The following VPS8 variants were observed in gnomAD, a reference collection of about 807,000 sequenced individuals.
VPS8 encodes VPS8 subunit of CORVET complex.
Under a neutral mutation model 216.4 loss-of-function variants are expected in VPS8, and 129 were observed. That is an observed-to-expected ratio of 0.60 (90% CI 0.52 to 0.69). VPS8 has a LOEUF of 0.69. VPS8 is among the 30% of genes least tolerant of loss of function. The pLI is 0.00. For missense variants in VPS8, 1,531 were observed against 1,683.5 expected, an observed-to-expected ratio of 0.91 and a Z score of 1.59; for synonymous variants, 571 against 565.4, an observed-to-expected ratio of 1.01 and a Z score of -0.14.
chr3:184,909,326 GA>G (rs1294751315), intron 25 of VPS8, among the ~76,000 whole-genome samples: 2 of 152,132 alleles, frequency 1.3e-5, no homozygotes, highest in Non-Finnish European at 2.9e-5. Flanking sequence ...CAAGAGTTCT[GA>G]AAAAGCCAAT....
intron 23 of VPS8, among the ~76,000 whole-genome samples, chr3:184,897,293 T>G (rs960453593): frequency 9.2e-5 from 14 of 152,106 alleles, no homozygotes; most frequent in Non-Finnish European, 1.9e-4. Flanking sequence ...GTTTTAGAGA[T>G]AGAATTGATT....
Position 185,051,783 on chromosome 3 carries a change from A to C in VPS8, c.4138-93A>C. On this transcript the variant is annotated intron_variant, in intron 47 of 47. Coordinates refer to ENST00000625842, the MANE Select transcript of VPS8 (RefSeq NM_001009921.3). ...CATGTTACTACTCCTGCAACACAGC[A>C]CTGTCTCTCATGTATCTGAAGCAGT... 2.1e-6 allele frequency: 3 copies of C among 1,397,772 alleles called. No individual in the cohort carries two copies. In the South Asian group the frequency reaches 4.6e-5, roughly 22 times the overall value. The allele number at this position is 1,397,772 out of a possible 1,614,324, so 86.6% of individuals were successfully genotyped here. A position where few individuals can be genotyped will look rare whatever the true frequency, so the allele number is the denominator to read the frequency against.
intron 8 of VPS8, among the ~76,000 whole-genome samples, chr3:184,844,442 T>TA (rs1048999965): frequency 6.6e-6 from 1 of 151,516 alleles, no homozygotes; most frequent in Non-Finnish European, 1.5e-5. Flanking sequence ...AAATAAAAAA[T>TA]AAAAAATAAG....
At chr3:184,902,863 C>T (rs545125533) in intron 25 of VPS8, among the ~76,000 whole-genome samples, 25 of 150,714 alleles carry the variant, frequency 1.7e-4, no homozygotes, top group African/African-American at 6.1e-4. Flanking sequence ...TGGTTCAATT[C>T]AGTGTCATAA....
In VPS8 at chr3:184,874,098, T is replaced by C. The variant is rs1451322878; in HGVS notation, c.1734+3293T>C. ...TTTTTTTTTTAAGTAGAGTGGACTT[T>C]GGAGACTATCTGCTGACATCCCCAG... On this transcript the variant is annotated intron_variant, in intron 21 of 47. Transcript: ENST00000625842. 4.6e-5 allele frequency among the ~76,000 whole-genome samples: 7 copies of C among 152,242 alleles called. 1 individual carries two copies. The South Asian group carries it at 1.5e-3, about 32-fold the overall frequency.
intron 24 of VPS8, 61 bp downstream of exon 24, chr3:184,898,715 T>C: frequency 7.6e-7 from 1 of 1,310,418 alleles, no homozygotes; most frequent in Non-Finnish European, 1.0e-6. Context: ...TTTCTCCTAT[T>C]CTCCATTTGC....
chr3:185,047,517 C>G (rs1713203103), intron 46 of VPS8, among the ~76,000 whole-genome samples: 1 of 152,296 alleles, frequency 6.6e-6, no homozygotes, highest in South Asian at 2.1e-4. Flanking sequence ...ACGCTTGGGA[C>G]AGGTTCATGA....
rs2108505983 is a variant in VPS8 at position 184,824,593 on chromosome 3, A to G, written c.-40A>G. 1 of 1,579,520 alleles carries G rather than the reference A, an allele frequency of 6.3e-7. No individual in the cohort carries two copies. The highest frequency in any genetic ancestry group is 8.6e-7 in the Non-Finnish European group (1 of 1,161,140). On this transcript the variant is annotated 5_prime_UTR_variant, in exon 2 of 48. Transcript: ENST00000625842. ...AGCTAAGGCCAAACAAACAAAAAAC[A>G]CTTGCTTTGATGGACTGAATACTGT...
intron 1 of VPS8, chr3:184,812,820 C>G (rs1715439949): frequency 6.6e-6 from 1 of 152,290 alleles, no homozygotes; most frequent in Admixed American, 6.5e-5. Flanking sequence ...GCCTGGGAAA[C>G]AGGTGTGGAC....
At chr3:184,893,258 TC>T in intron 22 of VPS8, 1 of 1,287,956 alleles carries the variant, frequency 7.8e-7, no homozygotes, top group Non-Finnish European at 1.0e-6. Context: ...CAAAACCCCA[TC>T]CTAGTCCTTT....
intron 36 of VPS8, among the ~76,000 whole-genome samples, chr3:184,941,240 A>G (rs1249208287): frequency 3.8e-5 from 2 of 52,942 alleles, no homozygotes; most frequent in Non-Finnish European, 1.2e-4. Context: ...TTGAAAGCTC[A>G]ACCATTTAAA....
intron 1 of VPS8, among the ~76,000 whole-genome samples, chr3:184,819,105 A>G (rs2108478212): frequency 6.6e-6 from 1 of 152,346 alleles, no homozygotes; most frequent in East Asian, 1.9e-4. Context: ...TGCTGTTTAT[A>G]TGGCGCATAT....
Position 184,964,513 on chromosome 3 carries a change from G to A in VPS8, c.3229G>A (p.Glu1077Lys). 6.6e-7 allele frequency: 1 copy of A among 1,519,538 alleles called. No homozygotes were observed. The highest frequency in any genetic ancestry group is 2.0e-5 in the Admixed American group (1 of 48,912). 94.1% of individuals were successfully genotyped at this position (1,519,538 alleles called of 1,614,324 possible). ...QLHEVTAYLL[E>K]KKGDIHGAFL... ...TCATGAAGTCACCGCTTATCTATTG[G>A]AAAAGAAAGGAGATATTCATGGTGC... The change falls in exon 38 of 48, where the codon GAA becomes AAA. Residue 1077 changes from glutamate (E) to lysine (K), a missense_variant. By Grantham distance (56) the Glu-to-Lys change is moderately conservative. Coordinates refer to ENST00000625842, the MANE Select transcript of VPS8 (RefSeq NM_001009921.3).
Position 184,824,805 on chromosome 3 carries a change from T to C in VPS8, c.153+20T>C. On this transcript the variant is annotated intron_variant, in intron 2 of 47. Coordinates refer to ENST00000625842, the MANE Select transcript of VPS8 (RefSeq NM_001009921.3). ...GATCTGGTAAAAATTTCAATTTCTG[T>C]CAAGTGATAATGTTTAACCAGTGTA... 1 of 1,584,056 alleles carries C rather than the reference T, an allele frequency of 6.3e-7. No individual in the cohort carries two copies. The highest frequency in any genetic ancestry group is 8.6e-7 in the Non-Finnish European group (1 of 1,163,336).
chr3:184,879,042 C>T (rs757017706), intron 21 of VPS8, among the ~76,000 whole-genome samples: 3 of 152,164 alleles, frequency 2.0e-5, no homozygotes, highest in East Asian at 1.9e-4. Flanking sequence ...TTAGTACCAT[C>T]GCTCCAAAAA....
chr3:185,015,039 G>T (rs1012311959), intron 45 of VPS8, among the ~76,000 whole-genome samples: 5 of 152,218 alleles, frequency 3.3e-5, no homozygotes, highest in African/African-American at 1.2e-4. Flanking sequence ...TAGCCAAAGA[G>T]AATTAGGTTC....
In VPS8 at chr3:184,957,364, A is replaced by T. The variant is rs1242449180; in HGVS notation, c.3036-10A>T. The T allele has an allele frequency of 1.1e-6, 1 of 950,208 alleles. No homozygotes were observed. Among genetic ancestry groups the T allele is most frequent in the Non-Finnish European group, 1.4e-6 (1 of 740,282 alleles). The allele number at this position is 950,208 out of a possible 1,614,324, so 58.9% of individuals were successfully genotyped here. A position where few individuals can be genotyped will look rare whatever the true frequency, so the allele number is the denominator to read the frequency against. Reference sequence around the variant, plus strand: ...CAATTGAGTGTTCTCTTTATCTTTTATGTTTTTAGGGAAGGTATTCATGTA... The same window carrying T: ...CAATTGAGTGTTCTCTTTATCTTTTTTGTTTTTAGGGAAGGTATTCATGTA... On this transcript the variant is annotated splice_polypyrimidine_tract_variant and intron_variant, in intron 36 of 47. Transcript: ENST00000625842.
intron 5 of VPS8, among the ~76,000 whole-genome samples, chr3:184,837,059 A>G (rs905991261): frequency 7.9e-5 from 12 of 152,154 alleles, no homozygotes; most frequent in Non-Finnish European, 1.8e-4. Flanking sequence ...TAAATTGCAG[A>G]TTCCTGGGGC....
chr3:184,839,000 T>A (rs1721622353), intron 6 of VPS8: 1 of 381,730 alleles, frequency 2.6e-6, no homozygotes, highest in Non-Finnish European at 4.7e-6. Context: ...TTTATTTGTT[T>A]GTAGTACTAC....
Sources: gnomAD v4.1 joint callset for allele counts (sites outside exome capture counted in the v4.1 genomes callset) on GRCh38, gnomAD v4.1.1 for gene constraint, MANE v1.5 for transcripts, NCBI Gene and HGNC (gene_info 2026-07-23, HGNC 2026-07-21) for gene names.